Variants in PAF1 observed in about 807,000 individuals in gnomAD.
PAF1 encodes the protein RNA polymerase II-associated factor 1 homolog.
A neutral mutation model predicts 68.4 loss-of-function variants in PAF1; 31 were observed. The ratio of observed to expected loss-of-function variants is 0.45; its 90% CI spans 0.34 to 0.61. The LOEUF is 0.61. Ranked by LOEUF, PAF1 falls within the 20% of genes least tolerant of loss-of-function variation. PAF1 has a pLI of 0.01. For synonymous variants in PAF1, 256 were observed against 240.5 expected (o/e 1.06, Z -0.60); for missense variants, 435 against 692.9 (o/e 0.63, Z 4.18).
chr19:39,388,969 A>G lies in PAF1; in HGVS notation c.614T>C (p.Met205Thr). 1 of 1,614,166 alleles carries G rather than the reference A, an allele frequency of 6.2e-7. No individual in the cohort carries two copies. The highest frequency in any genetic ancestry group is 8.5e-7 in the Non-Finnish European group (1 of 1,180,008). The stretch of plus-strand genomic sequence containing the variant: ...GACCTTAAAGTCTGGGAAGACAGGC[A>G]TGACCTCCACCGGTGTGACTCGGGG... The part of the protein sequence containing the change: ...SKPRVTPVEV[M>T]PVFPDFKMWI... The change falls in exon 8 of 14, where the codon ATG becomes ACG. Residue 205 changes from methionine to threonine, a missense_variant. Met to Thr is a moderately conservative substitution (Grantham distance 81). Transcript: ENST00000221265.
Position 39,390,818 on chromosome 19 carries a change from C to G in PAF1, c.47G>C (p.Arg16Thr). The change falls in exon 1 of 14, where the codon AGG (arginine) becomes ACG (threonine). Residue 16 changes from arginine (R) to threonine (T), a missense_variant and splice_region_variant. By Grantham distance (71) the Arg-to-Thr change is moderately conservative. Transcript: ENST00000221265. ...QTQAQREDGHRPNSHRTLPER... is the reference protein window; with the variant it reads ...QTQAQREDGHTPNSHRTLPER... ...TGCAACAGAAAAGCGTGGCGCCTAC[C>G]TGTGGCCATCCTCCCGCTGGGCCTG... 6.3e-7 allele frequency: 1 copy of G among 1,583,488 alleles called. No homozygotes were observed. Among genetic ancestry groups the G allele is most frequent in the Non-Finnish European group, 8.6e-7 (1 of 1,164,452 alleles).
At position 39,385,990 on chromosome 19, in the gene PAF1, C is replaced by T. The variant is rs1486850288; in HGVS notation, c.*1G>A. On this transcript the variant is annotated 3_prime_UTR_variant, in exon 14 of 14. Transcript: ENST00000221265. ...TGAACCAGCCCTGAATGCCCTGGGACTCAGTCACTGTCACTATCAGCTTCA... is the reference window on the plus strand; with the variant it reads ...TGAACCAGCCCTGAATGCCCTGGGATTCAGTCACTGTCACTATCAGCTTCA... 12 of 1,613,428 alleles carry T rather than the reference C, an allele frequency of 7.4e-6. No individual in the cohort carries two copies. The East Asian group carries it at 2.7e-4, about 36-fold the overall frequency.
At position 39,389,916 on chromosome 19, in the gene PAF1, G is replaced by A; in HGVS notation, c.170+153C>T. The A allele has an allele frequency of 8.9e-7, 1 of 1,120,938 alleles. No homozygotes were observed. The highest frequency in any genetic ancestry group is 1.3e-6 in the Non-Finnish European group (1 of 746,128). 69.4% of individuals were successfully genotyped at this position (1,120,938 alleles called of 1,614,324 possible). On this transcript the variant is annotated intron_variant, in intron 3 of 13. Transcript: ENST00000221265. The surrounding 1 kb of genome is among the most constrained non-coding windows in gnomAD (Gnocchi z 5.3). The stretch of plus-strand genomic sequence containing the variant: ...TGGCTCCCCAGTGGGAAGGGACTTG[G>A]ACACTGCTTGCTCCATTAACAATTG...
chr19:39,387,016 C>A, intron 11 of PAF1: 1 of 605,894 alleles, frequency 1.7e-6, no homozygotes, highest in Admixed American at 2.7e-5. Flanking sequence ...TTTGGTTGCC[C>A]TACACTGTGT....
At position 39,389,956 on chromosome 19, in the gene PAF1, T is replaced by C; in HGVS notation, c.170+113A>G. On this transcript the variant is annotated intron_variant, in intron 3 of 13. Coordinates refer to ENST00000221265, the MANE Select transcript of PAF1 (RefSeq NM_019088.4). This position sits in a 1 kb window ranked among gnomAD's most constrained non-coding sequence, Gnocchi z 5.3. ...ATTAACAATTGAGCAGCTACTACTATGTGCTAGGGTAGGTACTGTGCTAGG... is the reference window on the plus strand; with the variant it reads ...ATTAACAATTGAGCAGCTACTACTACGTGCTAGGGTAGGTACTGTGCTAGG... The C allele has an allele frequency of 9.5e-7, 1 of 1,050,194 alleles. No individual in the cohort carries two copies. Among genetic ancestry groups the C allele is most frequent in the Non-Finnish European group, 1.5e-6 (1 of 682,040 alleles). 65.1% of individuals were successfully genotyped at this position (1,050,194 alleles called of 1,614,324 possible).
At chr19:39,388,014 G>A (rs1023040542) in intron 11 of PAF1, among the ~76,000 whole-genome samples, 1 of 152,130 alleles carries the variant, frequency 6.6e-6, no homozygotes, top group Non-Finnish European at 1.5e-5. Flanking sequence ...GCTGGCACAC[G>A]CCTGTGATGC....
intron 1 of PAF1, 22 bp downstream of exon 1, chr19:39,390,796 A>T (rs1216705330): frequency 6.4e-7 from 1 of 1,571,312 alleles, no homozygotes; most frequent in South Asian, 1.2e-5. Context: ...GCCTTGCTGC[A>T]ACAGAAAAGC....
In PAF1 at chr19:39,389,809, C is replaced by T. The variant is rs2078334098; in HGVS notation, c.171-48G>A. On this transcript the variant is annotated intron_variant, in intron 3 of 13. Coordinates refer to ENST00000221265, the MANE Select transcript of PAF1 (RefSeq NM_019088.4). The surrounding 1 kb of genome is among the most constrained non-coding windows in gnomAD (Gnocchi z 5.3). ...TGGTGTTTGGATTCCAGCTTCACCC[C>T]TCACAGCCCTGCTTCCCAGAGGCGG... 3 of 1,612,264 alleles carry T rather than the reference C, an allele frequency of 1.9e-6. No homozygotes were observed. Among genetic ancestry groups the T allele is most frequent in the Non-Finnish European group, 1.7e-6 (2 of 1,179,234 alleles).
chr19:39,387,216 CTG>C (rs748359543), intron 11 of PAF1: 11 of 433,152 alleles, frequency 2.5e-5, no homozygotes, highest in South Asian at 1.0e-4. Context: ...CAGCATGTGA[CTG>C]TACTGAATAC....
Position 39,389,996 on chromosome 19 carries a change from C to G in PAF1, c.170+73G>C, listed in dbSNP as rs893177083. On this transcript the variant is annotated intron_variant, in intron 3 of 13. Transcript: ENST00000221265. The surrounding 1 kb of genome is among the most constrained non-coding windows in gnomAD (Gnocchi z 5.3). ...ACTGTGCTAGGCCCTGAGCAGACAG[C>G]AGCCAACGAGACAAGCAGTCCCTGC... 5 of 1,265,402 alleles carry G rather than the reference C, an allele frequency of 4.0e-6. No homozygotes were observed. The highest frequency in any genetic ancestry group is 5.8e-6 in the Non-Finnish European group (5 of 867,862). 78.4% of individuals were successfully genotyped at this position (1,265,402 alleles called of 1,614,324 possible). A position where few individuals can be genotyped will look rare whatever the true frequency, so the allele number is the denominator to read the frequency against.
intron 11 of PAF1, chr19:39,387,238 T>C (rs564280263): frequency 1.5e-4 from 63 of 411,276 alleles, no homozygotes; most frequent in African/African-American, 1.2e-3. Context: ...CTGCAGGCAA[T>C]TGTAATACAA....
chr19:39,386,578 A>G lies in PAF1; in HGVS notation c.1093-6T>C. The G allele has an allele frequency of 1.2e-6, 2 of 1,613,938 alleles. No individual in the cohort carries two copies. The highest frequency in any genetic ancestry group is 1.7e-6 in the Non-Finnish European group (2 of 1,179,938). On this transcript the variant is annotated splice_region_variant and splice_polypyrimidine_tract_variant and intron_variant, in intron 12 of 13. Transcript: ENST00000221265. This position sits in a 1 kb window ranked among gnomAD's most constrained non-coding sequence, Gnocchi z 6.1. Reference sequence around the variant, plus strand: ...AGCTGGGCCTTCCGTGCCTCCTGGAAGCAGCAAGATTGGAATGAGGGGAAG... The same window carrying G: ...AGCTGGGCCTTCCGTGCCTCCTGGAGGCAGCAAGATTGGAATGAGGGGAAG...
At chr19:39,390,375 T>C in intron 1 of PAF1, 86 bp from the exon 2 acceptor site, 3 of 1,297,924 alleles carry the variant, frequency 2.3e-6, no homozygotes, top group Non-Finnish European at 3.3e-6. Flanking sequence ...TTTCAAAAGG[T>C]AGGAGGGGTG....
chr19:39,390,102 G>C lies in PAF1; in HGVS notation c.137C>G (p.Pro46Arg). The C allele has an allele frequency of 1.2e-6, 2 of 1,613,970 alleles. No individual in the cohort carries two copies. Among genetic ancestry groups the C allele is most frequent in the Non-Finnish European group, 1.7e-6 (2 of 1,179,900 alleles). Residue 46 changes from proline (P) to arginine (R), a missense_variant, in exon 3 of 14, where the codon CCC becomes CGC. Physicochemically the swap from Pro to Arg is moderately radical, Grantham distance 103 (BLOSUM62 -2). Around this residue, in one of 7 missense-constraint regions of PAF1, gnomAD observed 77 missense variants for 118.2 expected, o/e 0.65. Transcript: ENST00000221265. The part of the protein sequence containing the change: ...CNSLPDIPFD[P>R]KFITYPFDQN... Reference sequence around the variant, plus strand: ...GTCGAAGGGGTAGGTGATGAACTTGGGGTCGAAGGGGATATCAGGGAGGCT... The same window carrying C: ...GTCGAAGGGGTAGGTGATGAACTTGCGGTCGAAGGGGATATCAGGGAGGCT...
intron 11 of PAF1, among the ~76,000 whole-genome samples, chr19:39,387,663 T>C (rs545927688): frequency 2.0e-5 from 3 of 152,340 alleles, no homozygotes; most frequent in African/African-American, 7.2e-5. Flanking sequence ...CTTTGAGCCA[T>C]AAGGGAAGAG....
At position 39,386,682 on chromosome 19, in the gene PAF1, G is replaced by A; in HGVS notation, c.1092+12C>T. ...CCTGCCATGGGTGCCCTGAGCCAGT[G>A]GTGCTTGTTACCTGAGCTTCCAGTT... On this transcript the variant is annotated intron_variant, in intron 12 of 13. Transcript: ENST00000221265. This position sits in a 1 kb window ranked among gnomAD's most constrained non-coding sequence, Gnocchi z 6.1. 1.2e-6 allele frequency: 2 copies of A among 1,608,150 alleles called. No homozygotes were observed. The highest frequency in any genetic ancestry group is 8.5e-7 in the Non-Finnish European group (1 of 1,174,560).
At chr19:39,387,076 C>T in intron 11 of PAF1, 1 of 535,876 alleles carries the variant, frequency 1.9e-6, no homozygotes, top group Non-Finnish European at 3.4e-6. Context: ...GGCCATTTAA[C>T]AGGGACACAT....
Position 39,386,628 on chromosome 19 carries a change from C to A in PAF1, c.1093-56G>T, listed in dbSNP as rs1043529649. 6.2e-7 allele frequency: 1 copy of A among 1,605,522 alleles called. No homozygotes were observed. The highest frequency in any genetic ancestry group is 8.5e-7 in the Non-Finnish European group (1 of 1,172,404). On this transcript the variant is annotated intron_variant, in intron 12 of 13. Coordinates refer to ENST00000221265, the MANE Select transcript of PAF1 (RefSeq NM_019088.4). The surrounding 1 kb of genome is among the most constrained non-coding windows in gnomAD (Gnocchi z 6.1). Reference sequence around the variant, plus strand: ...GGAGGGTGTTCTGCTGGGTTTTTGTCCCCCTCCTCACCTACAACCACCACC... The same window carrying A: ...GGAGGGTGTTCTGCTGGGTTTTTGTACCCCTCCTCACCTACAACCACCACC...
intron 11 of PAF1, among the ~76,000 whole-genome samples, chr19:39,388,010 A>T (rs2078290555): frequency 6.6e-6 from 1 of 152,150 alleles, no homozygotes; most frequent in Non-Finnish European, 1.5e-5. Flanking sequence ...CCATGCTGGC[A>T]CACGCCTGTG....
Sources: gnomAD v4.1 joint callset for allele counts (sites outside exome capture counted in the v4.1 genomes callset) on GRCh38, gnomAD v4.1.1 for gene constraint, gnomAD v4.1.1 regional missense constraint, Gnocchi (gnomAD v3.1) non-coding constraint, MANE v1.5 for transcripts, NCBI Gene and HGNC (gene_info 2026-07-23, HGNC 2026-07-21) for gene names.